Variants in EPHA3 observed in about 807,000 individuals in gnomAD.
EPHA3 encodes the protein EPH receptor A3.
EPHA3 carries 42 observed loss-of-function variants against 107.1 expected under a neutral mutation model. The observed-to-expected ratio is 0.39, with a 90% CI of 0.31 to 0.51. The LOEUF (loss-of-function observed/expected upper bound fraction) is 0.51, where lower values mean the gene tolerates loss of function less well. Among genes scored for constraint, EPHA3 ranks in the 20% least tolerant of loss-of-function variants. EPHA3 has a pLI of 0.78. For missense variants in EPHA3, 1,183 were observed against 1,211.2 expected (o/e 0.98, Z 0.35); for synonymous variants, 461 against 424.8 (o/e 1.09, Z -1.05).
In EPHA3 at chr3:89,320,318, T is replaced by G. The variant is rs148826283; in HGVS notation, c.815-20598T>G. Reference sequence around the variant, plus strand: ...TCAGTGGCCTCCAGCTGGGTCAGAATAGTGTTCATCTCGTGCTATTCTCTA... The same window carrying G: ...TCAGTGGCCTCCAGCTGGGTCAGAAGAGTGTTCATCTCGTGCTATTCTCTA... On this transcript the variant is annotated intron_variant, in intron 3 of 16. Transcript: ENST00000336596. Among the ~76,000 whole-genome samples, 191 of 152,130 alleles carry G rather than the reference T, an allele frequency of 1.3e-3. 1 individual carries two copies. Among genetic ancestry groups the G allele is most frequent in the African/African-American group, 4.3e-3 (179 of 41,566 alleles).
intron 2 of EPHA3, among the ~76,000 whole-genome samples, chr3:89,167,162 T>C (rs1296121258): frequency 1.3e-5 from 2 of 152,206 alleles, no homozygotes; most frequent in Admixed American, 1.3e-4. Context: ...TTTTATCATG[T>C]ACAACATAAT....
At chr3:89,262,653 G>T (rs1424144841) in intron 3 of EPHA3, among the ~76,000 whole-genome samples, 2 of 152,248 alleles carry the variant, frequency 1.3e-5, no homozygotes, top group Non-Finnish European at 2.9e-5. Flanking sequence ...TGCGTGACAG[G>T]GGTGCCTTGT....
intron 16 of EPHA3, among the ~76,000 whole-genome samples, chr3:89,478,315 C>A (rs1194301197): frequency 1.3e-5 from 2 of 152,206 alleles, no homozygotes; most frequent in African/African-American, 4.8e-5. Flanking sequence ...GGCTGCACAG[C>A]AGCCTCCCCG....
chr3:89,230,834 A>T (rs1235479026), intron 3 of EPHA3, among the ~76,000 whole-genome samples: 8 of 151,186 alleles, frequency 5.3e-5, no homozygotes, highest in African/African-American at 1.5e-4. Context: ...TCACACACAC[A>T]CACACACACA....
At chr3:89,407,868 C>T (rs1179584509) in intron 8 of EPHA3, among the ~76,000 whole-genome samples, 199 bp from the exon 9 acceptor site, 4 of 152,158 alleles carry the variant, frequency 2.6e-5, no homozygotes, top group African/African-American at 7.2e-5. Context: ...TGTATCTCCT[C>T]ATTAGGCAGC....
chr3:89,109,796 C>A (rs1707057695), intron 1 of EPHA3, among the ~76,000 whole-genome samples: 1 of 151,962 alleles, frequency 6.6e-6, no homozygotes, highest in East Asian at 1.9e-4. Flanking sequence ...GACATAATTG[C>A]ATTTAATTTG....
intron 3 of EPHA3, among the ~76,000 whole-genome samples, chr3:89,329,885 C>T (rs1484000253): frequency 1.3e-5 from 2 of 151,796 alleles, no homozygotes; most frequent in Non-Finnish European, 2.9e-5. Context: ...AGTGAATATA[C>T]AAATCTGAAA....
intron 5 of EPHA3, among the ~76,000 whole-genome samples, chr3:89,363,681 CGTGT>C (rs148145691): frequency 6.8e-6 from 1 of 147,558 alleles, no homozygotes; most frequent in Non-Finnish European, 1.5e-5. Flanking sequence ...GGTGTGTGTG[CGTGT>C]GTGTGTGTGT....
At position 89,252,088 on chromosome 3, in the gene EPHA3, C is replaced by T. The variant is rs113877767; in HGVS notation, c.814+41568C>T. ...GGAATAATAAATTATAAAGGAAAAA[C>T]ATGTCACAGTTATAGGAACATTTCT... On this transcript the variant is annotated intron_variant, in intron 3 of 16. Transcript: ENST00000336596. 6.4e-3 allele frequency among the ~76,000 whole-genome samples: 970 copies of T among 152,164 alleles called. 8 individuals are homozygous for T. Among genetic ancestry groups the T allele is most frequent in the African/African-American group, 0.022 (924 of 41,538 alleles).
At chr3:89,133,408 C>T (rs1157132239) in intron 2 of EPHA3, among the ~76,000 whole-genome samples, 1 of 152,156 alleles carries the variant, frequency 6.6e-6, no homozygotes, top group Non-Finnish European at 1.5e-5. Context: ...AAGTAGGAAC[C>T]ATTACAATCA....
intron 1 of EPHA3, among the ~76,000 whole-genome samples, chr3:89,112,870 A>G (rs1200439443): frequency 6.6e-6 from 1 of 151,986 alleles, no homozygotes. Context: ...GAAGAACATT[A>G]AGTTTTACAA....
rs769554825 is a variant in EPHA3 at position 89,210,290 on chromosome 3, T to C, written c.584T>C (p.Val195Ala). Reference sequence around the variant, plus strand: ...GGTGCTTGTGTTGCCTTGGTGTCTGTGAGAGTATACTTCAAAAAGTGCCCA... The same window carrying C: ...GGTGCTTGTGTTGCCTTGGTGTCTGCGAGAGTATACTTCAAAAAGTGCCCA... ...DVGACVALVS[V>A]RVYFKKCPFT... Residue 195 changes from valine (V) to alanine (A), a missense_variant, in exon 3 of 17, where the codon GTG (valine) becomes GCG (alanine). Coordinates refer to ENST00000336596, the MANE Select transcript of EPHA3 (RefSeq NM_005233.6). The C allele has an allele frequency of 6.2e-7, 1 of 1,613,900 alleles. No individual in the cohort carries two copies. The highest frequency in any genetic ancestry group is 8.5e-7 in the Non-Finnish European group (1 of 1,179,912).
At chr3:89,341,657 A>C (rs572452560) in intron 4 of EPHA3, 98 bp from the exon 5 acceptor site, 4 of 926,940 alleles carry the variant, frequency 4.3e-6, no homozygotes, top group Non-Finnish European at 4.9e-6. Flanking sequence ...AAGAAAGGAT[A>C]GTTATTTACC....
chr3:89,351,229 T>G lies in EPHA3; in HGVS notation c.1306+9139T>G, dbSNP rs1224054800. Among the ~76,000 whole-genome samples the G allele has an allele frequency of 5.3e-5, 8 of 151,296 alleles. No homozygotes were observed. The South Asian group carries it at 1.3e-3, about 24-fold the overall frequency. ...CCCTCCCCCAGCCTCGCTGCTGCCT[T>G]GCAGTTTGATCTCAGACTGCTGTGC... is the stretch of plus-strand genomic sequence containing the variant. On this transcript the variant is annotated intron_variant, in intron 5 of 16. Transcript: ENST00000336596.
At chr3:89,311,104 A>G (rs1179804303) in intron 3 of EPHA3, among the ~76,000 whole-genome samples, 1 of 152,090 alleles carries the variant, frequency 6.6e-6, no homozygotes, top group African/African-American at 2.4e-5. Flanking sequence ...AACAGTAAGC[A>G]TTTTACAAAT....
intron 3 of EPHA3, among the ~76,000 whole-genome samples, chr3:89,236,840 A>C (rs1230873557): frequency 1.3e-5 from 2 of 152,198 alleles, no homozygotes; most frequent in East Asian, 1.9e-4. Context: ...TACCATGTAA[A>C]CGTGACTTAG....
intron 3 of EPHA3, among the ~76,000 whole-genome samples, chr3:89,239,667 C>G (rs1019302624): frequency 2.0e-5 from 3 of 152,122 alleles, no homozygotes; most frequent in Non-Finnish European, 4.4e-5. Context: ...ACATTTATCA[C>G]CACTATTCTT....
At chr3:89,439,027 A>G (rs180893207) in intron 13 of EPHA3, among the ~76,000 whole-genome samples, 1 of 152,340 alleles carries the variant, frequency 6.6e-6, no homozygotes, top group East Asian at 1.9e-4. Flanking sequence ...GTAAAGGCAG[A>G]AAAGTAAAAT....
chr3:89,338,074 A>C (rs1457480523), intron 3 of EPHA3, among the ~76,000 whole-genome samples: 2 of 152,180 alleles, frequency 1.3e-5, no homozygotes, highest in African/African-American at 4.8e-5. Flanking sequence ...CAAATATTTT[A>C]ATCGGACTTC....
Sources: gnomAD v4.1 joint callset for allele counts (sites outside exome capture counted in the v4.1 genomes callset) on GRCh38, gnomAD v4.1.1 for gene constraint, MANE v1.5 for transcripts, NCBI Gene and HGNC (gene_info 2026-07-23, HGNC 2026-07-21) for gene names.